The following PRR16 variants were observed in gnomAD, a reference collection of about 807,000 sequenced individuals.
PRR16 encodes protein Largen.
Under a neutral mutation model 18.2 loss-of-function variants are expected in PRR16, and 6 were observed. The ratio of observed to expected loss-of-function variants is 0.33; its 90% CI spans 0.18 to 0.65. The LOEUF (loss-of-function observed/expected upper bound fraction) is 0.65. Ranked by LOEUF, PRR16 falls within the 30% of genes least tolerant of loss-of-function variation. The pLI is 0.74. For synonymous variants in PRR16, 151 were observed against 147.8 expected (o/e 1.02, Z -0.16); for missense variants, 412 against 376.6 (o/e 1.09, Z -0.78).
chr5:120,751,484 A>G, the PRR16 span, among the ~76,000 whole-genome samples: 1 of 152,108 alleles, frequency 6.6e-6, no homozygotes. Flanking sequence ...AACTGCAGTG[A>G]GACCATATCT....
chr5:120,482,769 T>C (rs1050751305), intron 1 of PRR16, among the ~76,000 whole-genome samples: 8 of 152,218 alleles, frequency 5.3e-5, no homozygotes, highest in African/African-American at 1.4e-4. Flanking sequence ...GTATGCCTTT[T>C]ATGTTATTTT....
intron 1 of PRR16, among the ~76,000 whole-genome samples, chr5:120,590,045 C>G (rs1248830486): frequency 6.6e-6 from 1 of 152,062 alleles, no homozygotes; most frequent in African/African-American, 2.4e-5. Flanking sequence ...TTATTAGGAC[C>G]TGAAGAGCTA....
chr5:120,687,641 C>T (rs1356060329), downstream of PRR16, among the ~76,000 whole-genome samples: 1 of 152,130 alleles, frequency 6.6e-6, no homozygotes, highest in Non-Finnish European at 1.5e-5. Context: ...TCTCTGCCTC[C>T]CCAAGTGGAC....
intron 1 of PRR16, among the ~76,000 whole-genome samples, chr5:120,663,230 T>C (rs983361043): frequency 6.6e-5 from 10 of 152,082 alleles, no homozygotes; most frequent in African/African-American, 2.2e-4. Context: ...TAGCTGATAG[T>C]ATTTCAAACT....
chr5:120,763,999 A>C, the PRR16 span, among the ~76,000 whole-genome samples: 1 of 152,092 alleles, frequency 6.6e-6, no homozygotes, highest in South Asian at 2.1e-4. Context: ...GATCCTCTAA[A>C]TGTAAAGAGG....
intron 1 of PRR16, among the ~76,000 whole-genome samples, chr5:120,613,370 TA>T (rs1754394577): frequency 1.3e-5 from 1 of 79,622 alleles, no homozygotes; most frequent in South Asian, 5.0e-4. Flanking sequence ...CTTCATAATT[TA>T]TTTTTTTTCT....
the PRR16 span, among the ~76,000 whole-genome samples, chr5:120,710,150 T>A: frequency 0.2 from 30,903 of 152,110 alleles, 3,968 homozygotes; most frequent in Non-Finnish European, 0.28. Context: ...ATTTTCTGTC[T>A]TTTTGATAAA....
intron 1 of PRR16, among the ~76,000 whole-genome samples, chr5:120,629,055 C>T (rs1754970387): frequency 6.6e-6 from 1 of 151,934 alleles, no homozygotes; most frequent in Non-Finnish European, 1.5e-5. Flanking sequence ...CTCAAATAGG[C>T]CTCAGTGTCT....
At chr5:120,564,926 C>G (rs1327204889) in intron 1 of PRR16, among the ~76,000 whole-genome samples, 1 of 148,282 alleles carries the variant, frequency 6.7e-6, no homozygotes, top group Admixed American at 6.8e-5. Flanking sequence ...GTGGACCTTG[C>G]AGTTAGCCGA....
intron 1 of PRR16, among the ~76,000 whole-genome samples, chr5:120,516,936 C>T (rs1751017544): frequency 6.6e-6 from 1 of 152,152 alleles, no homozygotes; most frequent in Non-Finnish European, 1.5e-5. Context: ...TCACCTGTGG[C>T]ATTTTGAACA....
chr5:120,596,243 A>T (rs1308754951), intron 1 of PRR16, among the ~76,000 whole-genome samples: 1 of 151,548 alleles, frequency 6.6e-6, no homozygotes, highest in East Asian at 1.9e-4. Context: ...GCTTATGGGA[A>T]AGTCTTTTTC....
At chr5:120,467,810 T>C (rs1749150601) in intron 1 of PRR16, among the ~76,000 whole-genome samples, 1 of 152,188 alleles carries the variant, frequency 6.6e-6, no homozygotes. Context: ...TCTCAAATAA[T>C]TTGACTTTTC....
the PRR16 span, among the ~76,000 whole-genome samples, chr5:120,700,669 C>T: frequency 6.6e-6 from 1 of 151,862 alleles, no homozygotes; most frequent in East Asian, 1.9e-4. Context: ...GAAGCCTGGC[C>T]ATCAATACCC....
chr5:120,575,851 A>G (rs1753059914), intron 1 of PRR16, among the ~76,000 whole-genome samples: 1 of 152,214 alleles, frequency 6.6e-6, no homozygotes, highest in African/African-American at 2.4e-5. Context: ...GCAAGGAGGA[A>G]GTCAAATTAT....
chr5:120,718,111 A>G, the PRR16 span, among the ~76,000 whole-genome samples: 1 of 152,162 alleles, frequency 6.6e-6, no homozygotes, highest in Non-Finnish European at 1.5e-5. Flanking sequence ...AGTTTCAAAA[A>G]TATCATAATG....
At chr5:120,494,269 T>C (rs979465983) in intron 1 of PRR16, among the ~76,000 whole-genome samples, 1 of 152,156 alleles carries the variant, frequency 6.6e-6, no homozygotes, top group Non-Finnish European at 1.5e-5. Flanking sequence ...TGCATATCCC[T>C]GATGGCAATA....
intron 1 of PRR16, among the ~76,000 whole-genome samples, chr5:120,517,235 GTTTAA>G (rs915452990): frequency 7.9e-5 from 12 of 152,234 alleles, no homozygotes; most frequent in South Asian, 6.2e-4. Flanking sequence ...TAATTTTAAT[GTTTAA>G]TTTACTTTAC....
chr5:120,723,019 A>C, the PRR16 span, among the ~76,000 whole-genome samples: 1 of 151,752 alleles, frequency 6.6e-6, no homozygotes, highest in Non-Finnish European at 1.5e-5. Context: ...CAAATATTAA[A>C]ATTTTTTAAT....
At chr5:120,492,878 A>G (rs1032142878) in intron 1 of PRR16, among the ~76,000 whole-genome samples, 1 of 152,204 alleles carries the variant, frequency 6.6e-6, no homozygotes, top group African/African-American at 2.4e-5. Context: ...AGTTGCTACA[A>G]AAGACATTAT....
Sources: allele counts gnomAD v4.1 joint callset (sites outside exome capture counted in the v4.1 genomes callset), GRCh38; gene constraint gnomAD v4.1.1; transcripts MANE v1.5; gene names NCBI Gene and HGNC (gene_info 2026-07-23, HGNC 2026-07-21).